Variants in SPTBN4 observed in about 807,000 individuals in gnomAD.
The protein encoded by SPTBN4 is spectrin beta chain, non-erythrocytic 4.
Under a neutral mutation model 277.8 loss-of-function variants are expected in SPTBN4, and 96 were observed. That is an observed-to-expected ratio of 0.35 (90% CI 0.29 to 0.41). SPTBN4 has a LOEUF of 0.41. Among genes scored for constraint, SPTBN4 ranks in the 10% least tolerant of loss-of-function variants. The pLI is 1.00. For synonymous variants in SPTBN4, 1,481 were observed against 1,580.3 expected, an observed-to-expected ratio of 0.94 and a Z score of 1.49; for missense variants, 3,006 against 3,595.7, an observed-to-expected ratio of 0.84 and a Z score of 4.19.
intron 30 of SPTBN4, among the ~76,000 whole-genome samples, chr19:40,566,737 G>T (rs913645405): frequency 1.3e-5 from 2 of 152,128 alleles, no homozygotes; most frequent in East Asian, 1.9e-4. Context: ...GACCAAGATG[G>T]GTGGATCACT....
At chr19:40,573,213 C>G (rs1555721737) in intron 35 of SPTBN4, among the ~76,000 whole-genome samples, 1 of 151,910 alleles carries the variant, frequency 6.6e-6, no homozygotes, top group Non-Finnish European at 1.5e-5. Flanking sequence ...CTCAGGAGGC[C>G]GAGTGGAAGG....
intron 33 of SPTBN4, chr19:40,571,052 T>C: frequency 3.1e-6 from 1 of 319,202 alleles, no homozygotes; most frequent in South Asian, 3.8e-5. Flanking sequence ...TAATGGATGA[T>C]GGGTAGAGCT....
intron 20 of SPTBN4, among the ~76,000 whole-genome samples, chr19:40,544,127 C>CTTTTTTTTTTTTTTTTTTTTTTTT (rs10618096): frequency 7.8e-6 from 1 of 128,902 alleles, no homozygotes; most frequent in African/African-American, 2.9e-5. Flanking sequence ...TCTTCTTCCT[C>CTTTTTTTTTTTTTTTTTTTTTTTT]TTTTTTTTTT....
At chr19:40,488,055 G>T (rs2080092793) in intron 3 of SPTBN4, among the ~76,000 whole-genome samples, 1 of 152,130 alleles carries the variant, frequency 6.6e-6, no homozygotes, top group South Asian at 2.1e-4. Flanking sequence ...AGAAGCCTGG[G>T]CGCGTGGCTG....
intron 13 of SPTBN4, among the ~76,000 whole-genome samples, chr19:40,511,037 A>G (rs2080385246): frequency 6.6e-6 from 1 of 151,774 alleles, no homozygotes; most frequent in African/African-American, 2.4e-5. Flanking sequence ...AAATAAATAA[A>G]TAAACACACT....
At chr19:40,491,818 T>C (rs1599725966) in intron 4 of SPTBN4, among the ~76,000 whole-genome samples, 3 of 140,200 alleles carry the variant, frequency 2.1e-5, no homozygotes, top group African/African-American at 8.3e-5. Context: ...AGGTCAGGAG[T>C]TCGAGACAAG....
chr19:40,540,976 A>G (rs980839021), intron 20 of SPTBN4, among the ~76,000 whole-genome samples: 1 of 152,108 alleles, frequency 6.6e-6, no homozygotes, highest in African/African-American at 2.4e-5. Context: ...AGCAGTACAC[A>G]TGAGCTCCTG....
At chr19:40,508,729 G>A (rs2080357542) in intron 13 of SPTBN4, among the ~76,000 whole-genome samples, 1 of 152,052 alleles carries the variant, frequency 6.6e-6, no homozygotes, top group Admixed American at 6.6e-5. Context: ...CTTATTGTAG[G>A]ATTTGGGCTT....
intron 20 of SPTBN4, among the ~76,000 whole-genome samples, chr19:40,539,397 T>C (rs1017094615): frequency 1.3e-5 from 2 of 152,256 alleles, no homozygotes; most frequent in Non-Finnish European, 2.9e-5. Context: ...ATGCTGGCGC[T>C]GGGCTGCCTG....
At chr19:40,548,651 G>T (rs1296219788) in intron 20 of SPTBN4, among the ~76,000 whole-genome samples, 2 of 151,658 alleles carry the variant, frequency 1.3e-5, no homozygotes, top group Non-Finnish European at 2.9e-5. Context: ...GGAGGTGAAG[G>T]TTGCAGTGAG....
chr19:40,570,670 C>T lies in SPTBN4; in HGVS notation c.7261C>T (p.His2421Tyr), dbSNP rs2081146900. ...PPPPPTHTVQ[H>Y]EGFLLRKREL... ...GCCACCGCCCACTCACACAGTGCAG[C>T]ACGAGGGCTTCCTACTGCGCAAGCG... The change falls in exon 33 of 36, where the codon CAC (histidine) becomes TAC (tyrosine). Residue 2421 changes from histidine (H) to tyrosine (Y), a missense_variant. His to Tyr is a moderately conservative substitution (Grantham distance 83, BLOSUM62 2). Transcript: ENST00000598249. The T allele has an allele frequency of 6.2e-7, 1 of 1,603,166 alleles. No homozygotes were observed. The highest frequency in any genetic ancestry group is 8.5e-7 in the Non-Finnish European group (1 of 1,175,792).
intron 2 of SPTBN4, among the ~76,000 whole-genome samples, chr19:40,485,336 A>G (rs2080059574): frequency 6.6e-6 from 1 of 151,652 alleles, no homozygotes; most frequent in Admixed American, 6.6e-5. Flanking sequence ...TTTTTAGAAG[A>G]GACAGTGTTC....
intron 27 of SPTBN4, among the ~76,000 whole-genome samples, chr19:40,561,259 T>C (rs938634545): frequency 2.0e-5 from 3 of 152,050 alleles, no homozygotes; most frequent in Non-Finnish European, 4.4e-5. Context: ...GTGGTCCACC[T>C]GCCTCAGCCT....
chr19:40,531,328 T>A (rs1383997314), intron 18 of SPTBN4, among the ~76,000 whole-genome samples: 1 of 151,972 alleles, frequency 6.6e-6, no homozygotes, highest in African/African-American at 2.4e-5. Context: ...TGAAGGAGTG[T>A]GATGCTGTCC....
At chr19:40,516,026 T>C (rs2080455087) in intron 15 of SPTBN4, among the ~76,000 whole-genome samples, 1 of 146,302 alleles carries the variant, frequency 6.8e-6, no homozygotes, top group Non-Finnish European at 1.5e-5. Flanking sequence ...CATATACGTA[T>C]ATATACACAT....
intron 20 of SPTBN4, among the ~76,000 whole-genome samples, chr19:40,547,344 A>C (rs1275995121): frequency 2.6e-5 from 4 of 151,986 alleles, no homozygotes; most frequent in African/African-American, 7.3e-5. Context: ...CCATGTCCCT[A>C]CAAAGGACAT....
chr19:40,524,551 A>G (rs1382856950), intron 17 of SPTBN4: 1 of 454,982 alleles, frequency 2.2e-6, no homozygotes, highest in Non-Finnish European at 4.4e-6. Context: ...TAGATGCCTC[A>G]TTATCCATCC....
In SPTBN4 at chr19:40,570,643, C is replaced by G. The variant is rs1357343358; in HGVS notation, c.7234C>G (p.Pro2412Ala). 6.6e-7 allele frequency: 1 copy of G among 1,510,882 alleles called. No individual in the cohort carries two copies. Among genetic ancestry groups the G allele is most frequent in the Admixed American group, 2.3e-5 (1 of 43,826 alleles). The allele number at this position is 1,510,882 out of a possible 1,614,324, so 93.6% of individuals were successfully genotyped here. A position where few individuals can be genotyped will look rare whatever the true frequency, so the allele number is the denominator to read the frequency against. Residue 2412 changes from proline (P) to alanine (A), a missense_variant, in exon 33 of 36, where the codon CCG (proline) becomes GCG (alanine). By Grantham distance (27) the Pro-to-Ala change is conservative. Transcript: ENST00000598249. ...PAQGGSAPAPPPPPTHTVQHE... is the reference protein window; with the variant it reads ...PAQGGSAPAPAPPPTHTVQHE... ...CCAGGGCGGCTCCGCCCCCGCGCCT[C>G]CGCCACCGCCCACTCACACAGTGCA...
chr19:40,508,523 C>T (rs1030792519), intron 13 of SPTBN4, among the ~76,000 whole-genome samples: 6 of 152,128 alleles, frequency 3.9e-5, no homozygotes, highest in Non-Finnish European at 5.9e-5. Flanking sequence ...CCCATCCCTA[C>T]TAAAAATACA....
Sources: allele counts gnomAD v4.1 joint callset (sites outside exome capture counted in the v4.1 genomes callset), GRCh38; gene constraint gnomAD v4.1.1; transcripts MANE v1.5; gene names NCBI Gene and HGNC (gene_info 2026-07-23, HGNC 2026-07-21).